Variants in TFEB observed in about 807,000 individuals in gnomAD.
TFEB encodes the protein T-cell transcription factor EB.
A neutral mutation model predicts 48.0 loss-of-function variants in TFEB; 12 were observed. That is an observed-to-expected ratio of 0.25 (90% CI 0.16 to 0.40). TFEB has a LOEUF of 0.40. Among genes scored for constraint, TFEB ranks in the 10% least tolerant of loss-of-function variants. The pLI, the probability that TFEB is intolerant of heterozygous loss-of-function variation, is 1.00. For missense variants in TFEB, 509 were observed against 640.3 expected (o/e 0.79, Z 2.21); for synonymous variants, 244 against 261.4 (o/e 0.93, Z 0.64).
chr6:41,717,804 C>G (rs1770802377), intron 1 of TFEB, among the ~76,000 whole-genome samples: 1 of 152,214 alleles, frequency 6.6e-6, no homozygotes. Flanking sequence ...GCCATGGAGT[C>G]AGGAGCAAGG....
chr6:41,734,028 C>T lies in TFEB; in HGVS notation c.-23+1322G>A, dbSNP rs567909143. 1.5e-5 allele frequency: 4 copies of T among 268,338 alleles called. No homozygotes were observed. Among genetic ancestry groups the T allele is most frequent in the Non-Finnish European group, 2.3e-5 (4 of 174,386 alleles). The allele number at this position is 268,338 out of a possible 1,614,324, so 16.6% of individuals were successfully genotyped here. On this transcript the variant is annotated intron_variant, in intron 1 of 8. Coordinates refer to ENST00000373033, the MANE Select transcript of TFEB (RefSeq NM_001271944.2). The surrounding 1 kb of genome is among the most constrained non-coding windows in gnomAD (Gnocchi z 4.0). ...TTGTCCCTTTCCCTGAGGGATGAAGCAGCCCCTCACTCGGGATGGGGGGAG... is the reference window on the plus strand; with the variant it reads ...TTGTCCCTTTCCCTGAGGGATGAAGTAGCCCCTCACTCGGGATGGGGGGAG...
At chr6:41,712,923 C>T (rs746748730) in intron 1 of TFEB, among the ~76,000 whole-genome samples, 6 of 152,176 alleles carry the variant, frequency 3.9e-5, no homozygotes, top group Non-Finnish European at 5.9e-5. Flanking sequence ...GGAATGGGAA[C>T]TTGCTCTGGT....
intron 1 of TFEB, among the ~76,000 whole-genome samples, chr6:41,713,559 G>A (rs1770579342): frequency 6.6e-6 from 1 of 152,162 alleles, no homozygotes; most frequent in South Asian, 2.1e-4. Flanking sequence ...AGGCTGCAGG[G>A]AAGGGCAGCC....
At chr6:41,735,173 G>A (rs1771627654) in intron 1 of TFEB, 177 bp downstream of exon 1, 1 of 916,584 alleles carries the variant, frequency 1.1e-6, no homozygotes. Flanking sequence ...CCACGCGCTG[G>A]GCGCCCGGGG....
At chr6:41,694,331 G>T (rs937634500) in intron 1 of TFEB, among the ~76,000 whole-genome samples, 4 of 152,148 alleles carry the variant, frequency 2.6e-5, no homozygotes, top group African/African-American at 9.7e-5. Flanking sequence ...ACACAGTGAG[G>T]TGTCTGTGCA....
intron 1 of TFEB, among the ~76,000 whole-genome samples, chr6:41,698,708 A>T (rs1420542805): frequency 1.3e-5 from 2 of 152,092 alleles, no homozygotes; most frequent in African/African-American, 4.8e-5. Flanking sequence ...CTGACCGCTA[A>T]ACAAAAGCTT....
chr6:41,690,994 G>C lies in TFEB; in HGVS notation c.213+7C>G, dbSNP rs776645797. Reference sequence around the variant, plus strand: ...CAGGGTGGGGGGCAGGCCAGAACAGGCCCTACCTTCAACACCTCCCCAGGC... The same window carrying C: ...CAGGGTGGGGGGCAGGCCAGAACAGCCCCTACCTTCAACACCTCCCCAGGC... On this transcript the variant is annotated splice_region_variant and intron_variant, in intron 2 of 8. Coordinates refer to ENST00000373033, the MANE Select transcript of TFEB (RefSeq NM_001271944.2). 31 of 1,574,922 alleles carry C rather than the reference G, an allele frequency of 2.0e-5. No homozygotes were observed. The South Asian group carries it at 3.1e-4, about 16-fold the overall frequency.
intron 1 of TFEB, among the ~76,000 whole-genome samples, chr6:41,718,195 G>T (rs1026267565): frequency 4.6e-4 from 69 of 148,664 alleles, no homozygotes; most frequent in South Asian, 1.7e-3. Flanking sequence ...GTTTTTTTTT[G>T]TTGTTTTATT....
chr6:41,735,061 C>T, intron 1 of TFEB: 3 of 985,256 alleles, frequency 3.0e-6, no homozygotes, highest in Non-Finnish European at 2.4e-6. Flanking sequence ...CCGCCCGGCC[C>T]CTCCCGCCCG....
intron 1 of TFEB, among the ~76,000 whole-genome samples, chr6:41,698,528 C>T (rs1581894251): frequency 6.6e-6 from 1 of 152,136 alleles, no homozygotes; most frequent in East Asian, 1.9e-4. Flanking sequence ...CCCAGAAAAA[C>T]ATATGTCTGG....
intron 4 of TFEB, chr6:41,688,290 C>A (rs940914144): frequency 4.7e-6 from 2 of 422,360 alleles, no homozygotes; most frequent in Admixed American, 7.5e-5. Flanking sequence ...TAGGATTAGG[C>A]CCCAGGCATT....
Position 41,730,591 on chromosome 6 carries a change from T to C in TFEB, c.-23+4759A>G, listed in dbSNP as rs1771410105. Among the ~76,000 whole-genome samples the C allele has an allele frequency of 6.6e-6, 1 of 152,216 alleles. No individual in the cohort carries two copies. Among genetic ancestry groups the C allele is most frequent in the Non-Finnish European group, 1.5e-5 (1 of 68,032 alleles). ...CAGGAAGGAAAGCTGGTGATGACCC[T>C]GCCTGTTGCCTCTGCTCCTCTTGGC... On this transcript the variant is annotated intron_variant, in intron 1 of 8. Transcript: ENST00000373033. The surrounding 1 kb of genome is among the most constrained non-coding windows in gnomAD (Gnocchi z 4.1).
At chr6:41,709,610 A>G (rs775489791) in intron 1 of TFEB, among the ~76,000 whole-genome samples, 5 of 151,858 alleles carry the variant, frequency 3.3e-5, no homozygotes, top group Non-Finnish European at 7.4e-5. Flanking sequence ...GGACAGATGA[A>G]AAGGTGGATA....
intron 1 of TFEB, among the ~76,000 whole-genome samples, chr6:41,705,185 C>T (rs1158887902): frequency 3.3e-5 from 5 of 152,174 alleles, no homozygotes; most frequent in Non-Finnish European, 5.9e-5. Flanking sequence ...CTGTGTGCTC[C>T]GCAGGAGGCC....
chr6:41,684,588 G>A lies in TFEB; in HGVS notation c.*11C>T. The A allele has an allele frequency of 6.5e-7, 1 of 1,542,102 alleles. No homozygotes were observed. Among genetic ancestry groups the A allele is most frequent in the East Asian group, 2.3e-5 (1 of 43,568 alleles). ...GCCGGCCCCTGTTCCCTGGCACAGG[G>A]GCAGCCAGGGTCACAGCACATCGCC... is the stretch of plus-strand genomic sequence containing the variant. On this transcript the variant is annotated 3_prime_UTR_variant, in exon 9 of 9. Transcript: ENST00000373033.
At chr6:41,704,356 G>A (rs1004343049) in intron 1 of TFEB, among the ~76,000 whole-genome samples, 17 of 152,226 alleles carry the variant, frequency 1.1e-4, no homozygotes, top group Admixed American at 2.0e-4. Context: ...TAACCGCTCA[G>A]AGCCTCAGTT....
At chr6:41,685,137 C>T in intron 8 of TFEB, 59 bp from the exon 9 acceptor site, 1 of 1,379,114 alleles carries the variant, frequency 7.3e-7, no homozygotes, top group Non-Finnish European at 9.4e-7. Context: ...CCACCAGGAC[C>T]CCTCCCCTGG....
intron 7 of TFEB, chr6:41,686,477 G>C: frequency 2.8e-6 from 1 of 356,082 alleles, no homozygotes. Context: ...CTCCTTCCCA[G>C]ACTACCAAGA....
At chr6:41,715,440 C>T (rs764898519) in intron 1 of TFEB, among the ~76,000 whole-genome samples, 6 of 152,148 alleles carry the variant, frequency 3.9e-5, no homozygotes, top group Non-Finnish European at 7.4e-5. Flanking sequence ...GAGGCTGAGG[C>T]GGGTGGATCA....
Sources: allele counts gnomAD v4.1 joint callset (sites outside exome capture counted in the v4.1 genomes callset), GRCh38; gene constraint gnomAD v4.1.1; non-coding constraint Gnocchi (gnomAD v3.1); transcripts MANE v1.5; gene names NCBI Gene and HGNC (gene_info 2026-07-23, HGNC 2026-07-21).